Variants in CELF2 observed in about 807,000 individuals in gnomAD.
CELF2 encodes CUGBP Elav-like family member 2, also known as CUG triplet repeat RNA-binding protein 2.
Under a neutral mutation model 62.6 loss-of-function variants are expected in CELF2, and 8 were observed. That is an observed-to-expected ratio of 0.13 (90% CI 0.07 to 0.23). The LOEUF is 0.23. Among genes scored for constraint, CELF2 ranks in the 10% least tolerant of loss-of-function variants. CELF2 has a pLI of 1.00. For synonymous variants in CELF2, 258 were observed against 250.0 expected (o/e 1.03, Z -0.30); for missense variants, 333 against 671.0 (o/e 0.50, Z 5.56).
chr10:11,278,435 G>T (rs2086948142), intron 8 of CELF2, among the ~76,000 whole-genome samples: 1 of 152,270 alleles, frequency 6.6e-6, no homozygotes, highest in African/African-American at 2.4e-5. Context: ...TCTCAGCGGT[G>T]ATATTTGTTC....
the CELF2 span, among the ~76,000 whole-genome samples, chr10:10,781,226 T>C: frequency 1.3e-5 from 2 of 152,240 alleles, no homozygotes; most frequent in African/African-American, 4.8e-5. Context: ...TATAATGCCA[T>C]ATTTTTACCT....
At chr10:11,276,995 GCACACTAAGT>G (rs967139443) in intron 8 of CELF2, among the ~76,000 whole-genome samples, 2 of 152,184 alleles carry the variant, frequency 1.3e-5, no homozygotes, top group African/African-American at 4.8e-5. Flanking sequence ...GTGAAATTCA[GCACACTAAGT>G]CCTCACAGGC....
chr10:11,289,882 T>A (rs907572581), intron 9 of CELF2, among the ~76,000 whole-genome samples: 3 of 152,194 alleles, frequency 2.0e-5, no homozygotes, highest in Non-Finnish European at 4.4e-5. Flanking sequence ...AAATAAGTCA[T>A]TTTTTTAAAA....
chr10:10,485,650 T>A, the CELF2 span, among the ~76,000 whole-genome samples: 18 of 152,340 alleles, frequency 1.2e-4, no homozygotes, highest in East Asian at 3.1e-3. Flanking sequence ...TGCATCTACC[T>A]CATGAGATGT....
In CELF2 at chr10:10,990,176, A is replaced by T. The variant is rs1415740469; in HGVS notation, c.89+70177A>T. Among the ~76,000 whole-genome samples, 1 of 150,174 alleles carries T rather than the reference A, an allele frequency of 6.7e-6. No individual in the cohort carries two copies. Among genetic ancestry groups the T allele is most frequent in the Non-Finnish European group, 1.5e-5 (1 of 67,990 alleles). On this transcript the variant is annotated intron_variant, in intron 2 of 13. Coordinates refer to the CELF2 transcript ENST00000636488. The surrounding 1 kb of genome is among the most constrained non-coding windows in gnomAD (Gnocchi z 4.6). ...GCCCTTAATATTTAATCTTAGAGGA[A>T]TGGTTAAATAAATTATGGGATATTT...
intron 8 of CELF2, among the ~76,000 whole-genome samples, chr10:11,282,189 C>T (rs758053022): frequency 6.7e-6 from 1 of 148,606 alleles, no homozygotes; most frequent in Non-Finnish European, 1.5e-5. Flanking sequence ...CCCTTCTAAA[C>T]TTCTCTCAGA....
intron 1 of CELF2, among the ~76,000 whole-genome samples, chr10:10,867,079 G>T (rs891642536): frequency 5.9e-5 from 9 of 152,074 alleles, no homozygotes; most frequent in Admixed American, 4.6e-4. Flanking sequence ...GGAGGTTGTG[G>T]GTCTTGATGT....
chr10:11,174,629 T>C (rs2070319416), intron 2 of CELF2, among the ~76,000 whole-genome samples: 1 of 152,234 alleles, frequency 6.6e-6, no homozygotes, highest in Admixed American at 6.5e-5. Context: ...CTCACCACAC[T>C]ATTTAACTGA....
At position 10,973,259 on chromosome 10, in the gene CELF2, G is replaced by C. The variant is rs982901361; in HGVS notation, c.89+53260G>C. Among the ~76,000 whole-genome samples, 9 of 151,194 alleles carry C rather than the reference G, an allele frequency of 6.0e-5. No homozygotes were observed. In the South Asian group the frequency reaches 1.9e-3, roughly 32 times the overall value. ...CCACACCACTGCACTCCAGCCTGGG[G>C]GACAGAGGGAGACTCTGTCTCAAAA... is the stretch of plus-strand genomic sequence containing the variant. On this transcript the variant is annotated intron_variant, in intron 2 of 13. Transcript: ENST00000636488.
Position 11,280,866 on chromosome 10 carries a change from T to A in CELF2, c.841+5746T>A, listed in dbSNP as rs767545136. ...TGAAGGGCTGCTCTCTAGGGCTTCC[T>A]GGCGCCAGCCTCCACTGGGTCCTTC... On this transcript the variant is annotated intron_variant, in intron 8 of 12. Transcript: ENST00000633077. This position sits in a 1 kb window ranked among gnomAD's most constrained non-coding sequence, Gnocchi z 7.6. Among the ~76,000 whole-genome samples the A allele has an allele frequency of 1.3e-5, 2 of 152,142 alleles. No individual in the cohort carries two copies. Among genetic ancestry groups the A allele is most frequent in the Non-Finnish European group, 2.9e-5 (2 of 68,020 alleles).
At chr10:11,206,755 G>C (rs1217637125) in intron 2 of CELF2, among the ~76,000 whole-genome samples, 1 of 152,212 alleles carries the variant, frequency 6.6e-6, no homozygotes, top group Admixed American at 6.5e-5. Context: ...TTTGGAATTA[G>C]GTTTTGAAAA....
chr10:10,731,607 G>A, the CELF2 span, among the ~76,000 whole-genome samples: 1 of 152,174 alleles, frequency 6.6e-6, no homozygotes, highest in Non-Finnish European at 1.5e-5. Context: ...GAGACAAAAT[G>A]TGGTTAGTCC....
chr10:10,977,590 C>T (rs548815012), intron 2 of CELF2, among the ~76,000 whole-genome samples: 12 of 152,146 alleles, frequency 7.9e-5, no homozygotes, highest in Non-Finnish European at 1.8e-4. Flanking sequence ...TATTCTGAAA[C>T]ACAGAAAGAG....
Position 11,079,743 on chromosome 10 carries a change from C to G in CELF2, c.74+61580C>G, listed in dbSNP as rs1008111434. ...CAGTGTGAGAATGGACTAATACAGCCCCCCCCCCCTTTTTAGGCCATGGAA... is the reference window on the plus strand; with the variant it reads ...CAGTGTGAGAATGGACTAATACAGCGCCCCCCCCCTTTTTAGGCCATGGAA... On this transcript the variant is annotated intron_variant, in intron 1 of 12. Transcript: ENST00000633077. 2.6e-4 allele frequency among the ~76,000 whole-genome samples: 20 copies of G among 77,252 alleles called. 1 individual carries two copies. The highest frequency in any genetic ancestry group is 8.0e-4 in the South Asian group (1 of 1,248). The allele number at this position is 77,252 out of a possible 152,430, so 50.7% of individuals were successfully genotyped here.
At chr10:11,254,516 A>G (rs1218377883) in intron 4 of CELF2, among the ~76,000 whole-genome samples, 1 of 152,242 alleles carries the variant, frequency 6.6e-6, no homozygotes, top group African/African-American at 2.4e-5. Context: ...CTAGGAAGTC[A>G]GCATTTCTTC....
rs773131177 is a variant in CELF2, at chr10:11,098,995, C to T, written c.75-66491C>T. ...GATAAGCTTTGCCATAAGAAACGCA[C>T]AGATGACTTCAGATAAAAGTTTCGC... On this transcript the variant is annotated intron_variant, in intron 1 of 12. Coordinates refer to ENST00000633077, the MANE Select transcript of CELF2 (RefSeq NM_001326342.2). This position sits in a 1 kb window ranked among gnomAD's most constrained non-coding sequence, Gnocchi z 4.0. Among the ~76,000 whole-genome samples, 1 of 152,176 alleles carries T rather than the reference C, an allele frequency of 6.6e-6. No homozygotes were observed. Among genetic ancestry groups the T allele is most frequent in the Non-Finnish European group, 1.5e-5 (1 of 68,032 alleles).
chr10:11,032,156 A>AAAAAAAAAAAAAAAAAAC (rs2060227472), intron 1 of CELF2, among the ~76,000 whole-genome samples: 1 of 150,002 alleles, frequency 6.7e-6, no homozygotes, highest in Non-Finnish European at 1.5e-5. Context: ...CAAAAAAAAA[A>AAAAAAAAAAAAAAAAAAC]AAAAAAAAAA....
chr10:11,257,336 CAA>C (rs61363639), intron 4 of CELF2, among the ~76,000 whole-genome samples: 20,472 of 114,484 alleles, frequency 0.18, 1,173 homozygotes, highest in Non-Finnish European at 0.23. Flanking sequence ...AGACCATCTA[CAA>C]AAAAAAAAAA....
the CELF2 span, among the ~76,000 whole-genome samples, chr10:10,616,262 G>T: frequency 1.3e-5 from 2 of 151,824 alleles, no homozygotes; most frequent in African/African-American, 2.4e-5. Context: ...TTTGGAAAAT[G>T]AAAGCACTAG....
Sources: gnomAD v4.1 joint callset for allele counts (sites outside exome capture counted in the v4.1 genomes callset) on GRCh38, gnomAD v4.1.1 for gene constraint, Gnocchi (gnomAD v3.1) non-coding constraint, MANE v1.5 for transcripts, NCBI Gene and HGNC (gene_info 2026-07-23, HGNC 2026-07-21) for gene names.